The following UBTF variants were observed in gnomAD, a reference collection of about 807,000 sequenced individuals.
UBTF encodes the protein upstream binding transcription factor.
A neutral mutation model predicts 112.3 loss-of-function variants in UBTF; 8 were observed. The observed-to-expected ratio is 0.07, with a 90% CI of 0.04 to 0.13. The LOEUF (loss-of-function observed/expected upper bound fraction) is 0.13. Among genes scored for constraint, UBTF ranks in the 10% least tolerant of loss-of-function variants. The pLI, the probability that UBTF is intolerant of heterozygous loss-of-function variation, is 1.00. For missense variants in UBTF, 457 were observed against 982.1 expected, an observed-to-expected ratio of 0.47 and a Z score of 7.15; for synonymous variants, 417 against 373.1, an observed-to-expected ratio of 1.12 and a Z score of -1.36.
intron 17 of UBTF, 78 bp downstream of exon 17, chr17:44,209,274 G>A: frequency 6.9e-7 from 1 of 1,442,454 alleles, no homozygotes; most frequent in East Asian, 2.4e-5. Context: ...GCACAAGTGG[G>A]TGGATGGGCC....
rs2056178679 is a variant in UBTF at position 44,205,106 on chromosome 17, C to G, written c.*2136G>C. The G allele has an allele frequency of 6.6e-6, 1 of 152,630 alleles. No homozygotes were observed. Among genetic ancestry groups the G allele is most frequent in the South Asian group, 2.1e-4 (1 of 4,830 alleles). The allele number at this position is 152,630 out of a possible 1,614,324, so 9.5% of individuals were successfully genotyped here. A position where few individuals can be genotyped will look rare whatever the true frequency, so the allele number is the denominator to read the frequency against. ...TTCCACAGTTGGCTTTAAGCATAGGCAGACACCTCTAAGCCACTCCCTCCC... is the reference window on the plus strand; with the variant it reads ...TTCCACAGTTGGCTTTAAGCATAGGGAGACACCTCTAAGCCACTCCCTCCC... On this transcript the variant is annotated 3_prime_UTR_variant, in exon 21 of 21. Transcript: ENST00000436088.
At chr17:44,210,565 G>GAAGCATGGGCTGGTGCAGATGTCTCCCT (rs2144533565) in intron 13 of UBTF, 92 bp from the exon 14 acceptor site, 1 of 1,448,946 alleles carries the variant, frequency 6.9e-7, no homozygotes, top group African/African-American at 1.4e-5. Flanking sequence ...CCGGCGGGCA[G>GAAGCATGGGCTGGTGCAGATGTCTCCCT]AAGCATGGGC....
At position 44,216,752 on chromosome 17, in the gene UBTF, C is replaced by T. The variant is rs756392133; in HGVS notation, c.59-48G>A. On this transcript the variant is annotated intron_variant, in intron 2 of 20. Coordinates refer to ENST00000436088, the MANE Select transcript of UBTF (RefSeq NM_014233.4). ...ATCATGCCTGGCTCATGCTATCCCCCCGATCTGTTCCCCAGTTCTTGAGTG... is the reference window on the plus strand; with the variant it reads ...ATCATGCCTGGCTCATGCTATCCCCTCGATCTGTTCCCCAGTTCTTGAGTG... 7.6e-6 allele frequency: 12 copies of T among 1,589,036 alleles called. No homozygotes were observed. In the South Asian group the frequency reaches 9.9e-5, roughly 13 times the overall value.
At chr17:44,209,166 C>G in intron 17 of UBTF, 186 bp downstream of exon 17, 1 of 583,558 alleles carries the variant, frequency 1.7e-6, no homozygotes, top group South Asian at 3.4e-5. Context: ...AAGACTGTCT[C>G]AAAAAATAAA....
At chr17:44,214,973 C>T (rs1177033994) in intron 5 of UBTF, among the ~76,000 whole-genome samples, 2 of 152,186 alleles carry the variant, frequency 1.3e-5, no homozygotes, top group Non-Finnish European at 2.9e-5. Flanking sequence ...TGTGACTGAG[C>T]CCTGCCTGGG....
intron 3 of UBTF, 64 bp downstream of exon 3, chr17:44,216,465 T>A: frequency 1.3e-6 from 2 of 1,582,158 alleles, no homozygotes; most frequent in Admixed American, 3.4e-5. Flanking sequence ...TACAGCCTGT[T>A]TCACTTCCCC....
At position 44,211,414 on chromosome 17, in the gene UBTF, G is replaced by A; in HGVS notation, c.1048-83C>T. The A allele has an allele frequency of 6.3e-7, 1 of 1,592,944 alleles. No homozygotes were observed. Among genetic ancestry groups the A allele is most frequent in the Non-Finnish European group, 8.6e-7 (1 of 1,163,986 alleles). ...AGTACTCGGAGGACAGTGACCTTCA[G>A]CGGGCCTCCAGAGCCTGGGTGTGGG... On this transcript the variant is annotated intron_variant, in intron 10 of 20. Coordinates refer to ENST00000436088, the MANE Select transcript of UBTF (RefSeq NM_014233.4). The surrounding 1 kb of genome is among the most constrained non-coding windows in gnomAD (Gnocchi z 4.9).
rs560830882 is a variant in UBTF at position 44,205,822 on chromosome 17, G to C, written c.*1420C>G. The C allele has an allele frequency of 4.4e-4, 67 of 152,368 alleles. No homozygotes were observed. The highest frequency in any genetic ancestry group is 1.4e-3 in the African/African-American group (60 of 41,584). The allele number at this position is 152,368 out of a possible 1,614,324, so 9.4% of individuals were successfully genotyped here. ...AAAAAAATAAGAACTACAGAGATAAGGTGGCTTGGCTTATTAAGAGTCAAG... is the reference window on the plus strand; with the variant it reads ...AAAAAAATAAGAACTACAGAGATAACGTGGCTTGGCTTATTAAGAGTCAAG... On this transcript the variant is annotated 3_prime_UTR_variant, in exon 21 of 21. Transcript: ENST00000436088.
At position 44,216,756 on chromosome 17, in the gene UBTF, T is replaced by A. The variant is rs1211829614; in HGVS notation, c.59-52A>T. Reference sequence around the variant, plus strand: ...TGCCTGGCTCATGCTATCCCCCCGATCTGTTCCCCAGTTCTTGAGTGCTCA... The same window carrying A: ...TGCCTGGCTCATGCTATCCCCCCGAACTGTTCCCCAGTTCTTGAGTGCTCA... On this transcript the variant is annotated intron_variant, in intron 2 of 20. Coordinates refer to ENST00000436088, the MANE Select transcript of UBTF (RefSeq NM_014233.4). 3 of 1,588,020 alleles carry A rather than the reference T, an allele frequency of 1.9e-6. No homozygotes were observed. The South Asian group carries it at 3.3e-5, about 18-fold the overall frequency.
At position 44,218,294 on chromosome 17, in the gene UBTF, A is replaced by G. The variant is rs1415357526; in HGVS notation, c.-65T>C. 2.3e-5 allele frequency: 36 copies of G among 1,572,336 alleles called. No homozygotes were observed. The East Asian group carries it at 6.9e-4, about 30-fold the overall frequency. On this transcript the variant is annotated splice_region_variant and 5_prime_UTR_variant, in exon 2 of 21. Coordinates refer to ENST00000436088, the MANE Select transcript of UBTF (RefSeq NM_014233.4). Reference sequence around the variant, plus strand: ...GGCAACCCGGGGTCAAAGCCACCTCACCCTTTGGAAGACATACCAGTTCCC... The same window carrying G: ...GGCAACCCGGGGTCAAAGCCACCTCGCCCTTTGGAAGACATACCAGTTCCC...
chr17:44,207,782 G>A lies in UBTF; in HGVS notation c.1954-12C>T. The A allele has an allele frequency of 1.2e-6, 2 of 1,614,082 alleles. No homozygotes were observed. The highest frequency in any genetic ancestry group is 1.7e-6 in the Non-Finnish European group (2 of 1,180,022). On this transcript the variant is annotated splice_polypyrimidine_tract_variant and intron_variant, in intron 18 of 20. Coordinates refer to ENST00000436088, the MANE Select transcript of UBTF (RefSeq NM_014233.4). ...ATGCTCTTACGTTTCTGCAGGATGG[G>A]GACACAAAGGTGGCAGCCATGAGTT...
chr17:44,217,907 T>C (rs2144555495), intron 2 of UBTF, among the ~76,000 whole-genome samples: 1 of 152,272 alleles, frequency 6.6e-6, no homozygotes, highest in South Asian at 2.1e-4. Context: ...CACTTCAGGC[T>C]GAATGGGAAC....
intron 1 of UBTF, chr17:44,218,594 C>CGAAAAAAAAAAAAA (rs2046972218): frequency 1.2e-5 from 1 of 83,406 alleles, no homozygotes; most frequent in South Asian, 3.2e-4. Flanking sequence ...CAACCCCAGC[C>CGAAAAAAAAAAAAA]AAAAAAAAAA....
chr17:44,209,861 T>C (rs1189136880), intron 15 of UBTF, 128 bp from the exon 16 acceptor site: 1 of 1,023,286 alleles, frequency 9.8e-7, no homozygotes, highest in Non-Finnish European at 1.4e-6. Context: ...AACAGGTAGC[T>C]AGTGAGCAAC....
At chr17:44,217,616 C>T (rs899953538) in intron 2 of UBTF, among the ~76,000 whole-genome samples, 2 of 152,108 alleles carry the variant, frequency 1.3e-5, no homozygotes, top group African/African-American at 2.4e-5. Context: ...ACCCATAATC[C>T]CCTCTCCCCT....
intron 3 of UBTF, 86 bp from the exon 4 acceptor site, chr17:44,216,075 T>G: frequency 2.8e-6 from 3 of 1,086,332 alleles, no homozygotes; most frequent in Non-Finnish European, 4.2e-6. Flanking sequence ...AACGGGTCTC[T>G]TCTACTCTTT....
Position 44,216,433 on chromosome 17 carries a change from C to G in UBTF, c.234+96G>C, listed in dbSNP as rs942611169. 1.2e-5 allele frequency: 17 copies of G among 1,434,574 alleles called. No homozygotes were observed. In the African/African-American group the frequency reaches 2.3e-4, roughly 19 times the overall value. The allele number at this position is 1,434,574 out of a possible 1,614,324, so 88.9% of individuals were successfully genotyped here. A position where few individuals can be genotyped will look rare whatever the true frequency, so the allele number is the denominator to read the frequency against. On this transcript the variant is annotated intron_variant, in intron 3 of 20. Coordinates refer to ENST00000436088, the MANE Select transcript of UBTF (RefSeq NM_014233.4). ...AACGGGAGACCACATGAATGCCTCT[C>G]CTGGTCTCTTTCCTTCCTGTTTACA...
At chr17:44,213,579 G>A (rs2046688176) in intron 5 of UBTF, among the ~76,000 whole-genome samples, 1 of 152,224 alleles carries the variant, frequency 6.6e-6, no homozygotes, top group Non-Finnish European at 1.5e-5. Flanking sequence ...GTCACACAGT[G>A]CGCAGTGGCA....
At chr17:44,220,301 C>T (rs1483649400), upstream of UBTF, among the ~76,000 whole-genome samples, 1 of 151,686 alleles carries the variant, frequency 6.6e-6, no homozygotes, top group African/African-American at 2.4e-5. Flanking sequence ...CACAGCCCTG[C>T]TCCGGAGCTC....
Sources: gnomAD v4.1 joint callset for allele counts (sites outside exome capture counted in the v4.1 genomes callset) on GRCh38, gnomAD v4.1.1 for gene constraint, Gnocchi (gnomAD v3.1) non-coding constraint, MANE v1.5 for transcripts, NCBI Gene and HGNC (gene_info 2026-07-23, HGNC 2026-07-21) for gene names.